BBX: variants seen among roughly 807,000 people sequenced by gnomAD.
BBX encodes BBX high mobility group box domain containing.
A neutral mutation model predicts 100.2 loss-of-function variants in BBX; 30 were observed. The ratio of observed to expected loss-of-function variants is 0.30; its 90% CI spans 0.22 to 0.41. The LOEUF (loss-of-function observed/expected upper bound fraction) is 0.41. Ranked by LOEUF, BBX falls within the 10% of genes least tolerant of loss-of-function variation. The pLI is 1.00. For synonymous variants in BBX, 376 were observed against 388.1 expected (o/e 0.97, Z 0.37); for missense variants, 1,023 against 1,129.8 (o/e 0.91, Z 1.35).
intron 10 of BBX, among the ~76,000 whole-genome samples, chr3:107,763,298 C>G (rs1464070139): frequency 3.3e-5 from 5 of 151,084 alleles, no homozygotes; most frequent in Non-Finnish European, 5.9e-5. Flanking sequence ...GATCTCGGCT[C>G]ACTGCAAGCT....
At chr3:107,569,919 A>C (rs888689558) in intron 2 of BBX, among the ~76,000 whole-genome samples, 3 of 152,218 alleles carry the variant, frequency 2.0e-5, no homozygotes, top group Non-Finnish European at 4.4e-5. Context: ...TAAGCTGAGA[A>C]GATCTGGGAA....
intron 3 of BBX, among the ~76,000 whole-genome samples, chr3:107,666,615 G>C (rs889985394): frequency 1.3e-5 from 2 of 152,170 alleles, no homozygotes; most frequent in African/African-American, 4.8e-5. Flanking sequence ...TGGCAGACTG[G>C]AGTGCAGTGG....
At chr3:107,632,727 T>G (rs1291140145) in intron 2 of BBX, among the ~76,000 whole-genome samples, 1 of 152,236 alleles carries the variant, frequency 6.6e-6, no homozygotes. Flanking sequence ...TACAAAGATA[T>G]TAACCTTATG....
intron 3 of BBX, among the ~76,000 whole-genome samples, chr3:107,676,182 AC>A (rs1163133494): frequency 6.6e-6 from 1 of 152,188 alleles, no homozygotes. Flanking sequence ...TGAGTCTATA[AC>A]TAAGGTAATT....
At chr3:107,722,993 G>T (rs1348948081) in intron 5 of BBX, among the ~76,000 whole-genome samples, 1 of 151,866 alleles carries the variant, frequency 6.6e-6, no homozygotes, top group African/African-American at 2.4e-5. Context: ...TATTCACTTA[G>T]CCCTCTATTG....
chr3:107,761,427 T>C (rs553939848), intron 10 of BBX, among the ~76,000 whole-genome samples: 7 of 151,822 alleles, frequency 4.6e-5, no homozygotes, highest in Non-Finnish European at 8.8e-5. Context: ...TGGAATGGAG[T>C]GGAAAGCCCC....
chr3:107,587,092 C>G (rs929526467), intron 2 of BBX, among the ~76,000 whole-genome samples: 5 of 152,066 alleles, frequency 3.3e-5, no homozygotes, highest in Admixed American at 2.6e-4. Flanking sequence ...TCTTATTTTG[C>G]TTCATTTAAA....
chr3:107,702,292 A>G (rs1313859148), intron 3 of BBX, among the ~76,000 whole-genome samples: 4 of 152,238 alleles, frequency 2.6e-5, no homozygotes, highest in Non-Finnish European at 5.9e-5. Context: ...AGAGAAAGGA[A>G]TAAAGGAACA....
chr3:107,587,250 G>C lies in BBX; in HGVS notation c.-83-58586G>C, dbSNP rs1024534204. Among the ~76,000 whole-genome samples the C allele has an allele frequency of 3.3e-5, 5 of 151,660 alleles. No homozygotes were observed. In the East Asian group the frequency reaches 9.7e-4, roughly 29 times the overall value. ...ACTTTGCAGCTACTTTGGTAGCTGA[G>C]GCAGAAGAATCACTTGAACCTGGGA... On this transcript the variant is annotated intron_variant, in intron 2 of 17. Transcript: ENST00000325805.
chr3:107,581,467 A>G (rs2052275776), intron 2 of BBX, among the ~76,000 whole-genome samples: 1 of 151,646 alleles, frequency 6.6e-6, no homozygotes, highest in East Asian at 1.9e-4. Context: ...TGAAGTGAAG[A>G]GACTATATTT....
At chr3:107,795,794 A>T (rs537265640) in intron 15 of BBX, among the ~76,000 whole-genome samples, 1 of 152,142 alleles carries the variant, frequency 6.6e-6, no homozygotes, top group Admixed American at 6.5e-5. Flanking sequence ...TTTTAGGCAG[A>T]AACTGTACCT....
intron 3 of BBX, among the ~76,000 whole-genome samples, chr3:107,649,404 T>C (rs2057708996): frequency 6.6e-6 from 1 of 152,182 alleles, no homozygotes; most frequent in Non-Finnish European, 1.5e-5. Context: ...AGCATTTGGG[T>C]GATTATATTT....
At chr3:107,529,967 A>T (rs1576181461) in intron 2 of BBX, among the ~76,000 whole-genome samples, 1 of 152,228 alleles carries the variant, frequency 6.6e-6, no homozygotes, top group East Asian at 1.9e-4. Context: ...AAGACTTAAA[A>T]GATTAAATGT....
At chr3:107,554,311 T>C (rs1233391292) in intron 2 of BBX, among the ~76,000 whole-genome samples, 1 of 152,236 alleles carries the variant, frequency 6.6e-6, no homozygotes, top group Non-Finnish European at 1.5e-5. Context: ...AATTGGTCTT[T>C]TTTCACTCAC....
intron 3 of BBX, chr3:107,677,577 A>G (rs1378040315): frequency 1.3e-5 from 2 of 152,142 alleles, no homozygotes; most frequent in African/African-American, 4.8e-5. Flanking sequence ...ATATTAGCCT[A>G]CAAGTGGGCA....
chr3:107,690,009 A>G (rs1355589511), intron 3 of BBX, among the ~76,000 whole-genome samples: 1 of 152,248 alleles, frequency 6.6e-6, no homozygotes, highest in Non-Finnish European at 1.5e-5. Flanking sequence ...TTTGTAAGTT[A>G]TAAAGTGGTA....
At position 107,773,285 on chromosome 3, in the gene BBX, T is replaced by C. The variant is rs2067050597; in HGVS notation, c.1564T>C (p.Leu522=). The stretch of plus-strand genomic sequence containing the variant: ...ATCCTCAAGTGGCAAGGGAAGCATT[T>C]TGGATGCCAAGCCACCAAAGAAAAA... ...RTSSSGKGSI[L]DAKPPKKKVK... Residue 522 remains leucine, a synonymous_variant, in exon 11 of 18, where the codon TTG becomes CTG. Coordinates refer to ENST00000325805, the MANE Select transcript of BBX (RefSeq NM_001142568.3). The surrounding 1 kb of genome is among the most constrained non-coding windows in gnomAD (Gnocchi z 4.1). The C allele has an allele frequency of 6.2e-7, 1 of 1,613,910 alleles. No individual in the cohort carries two copies. The highest frequency in any genetic ancestry group is 1.1e-5 in the South Asian group (1 of 91,080).
chr3:107,687,823 G>A (rs1458176575), intron 3 of BBX, among the ~76,000 whole-genome samples: 1 of 152,188 alleles, frequency 6.6e-6, no homozygotes, highest in East Asian at 1.9e-4. Flanking sequence ...GGGAGGCCAA[G>A]GTGGGAGGAT....
chr3:107,675,301 ACTT>A (rs1466872737), intron 3 of BBX, among the ~76,000 whole-genome samples: 1 of 152,136 alleles, frequency 6.6e-6, no homozygotes, highest in Non-Finnish European at 1.5e-5. Flanking sequence ...TAGTTTGTGA[ACTT>A]CTGTTTTTTG....
Sources: gnomAD v4.1 joint callset for allele counts (sites outside exome capture counted in the v4.1 genomes callset) on GRCh38, gnomAD v4.1.1 for gene constraint, Gnocchi (gnomAD v3.1) non-coding constraint, MANE v1.5 for transcripts, NCBI Gene and HGNC (gene_info 2026-07-23, HGNC 2026-07-21) for gene names.